FBXO34: variants seen among roughly 807,000 people sequenced by gnomAD.
FBXO34 encodes F-box only protein 34.
Under a neutral mutation model 24.5 loss-of-function variants are expected in FBXO34, and 12 were observed. The observed-to-expected ratio is 0.49, with a 90% CI of 0.31 to 0.79. The LOEUF (loss-of-function observed/expected upper bound fraction) is 0.79, where lower values mean the gene tolerates loss of function less well. Ranked by LOEUF, FBXO34 falls within the 30% of genes least tolerant of loss-of-function variation. The probability of loss-of-function intolerance (pLI) is 0.04; values close to 1 mark genes in which losing one functional copy is unlikely to be tolerated. For synonymous variants in FBXO34, 320 were observed against 311.9 expected, an observed-to-expected ratio of 1.03 and a Z score of -0.27; for missense variants, 823 against 857.7, an observed-to-expected ratio of 0.96 and a Z score of 0.51.
chr14:55,381,367 TA>T, the FBXO34 span, among the ~76,000 whole-genome samples: 2 of 152,218 alleles, frequency 1.3e-5, no homozygotes, highest in African/African-American at 4.8e-5. Flanking sequence ...TTAGGACTAC[TA>T]AAACACATTA....
At chr14:55,357,828 C>A (rs1018934952), downstream of FBXO34, among the ~76,000 whole-genome samples, 1 of 152,088 alleles carries the variant, frequency 6.6e-6, no homozygotes, top group Non-Finnish European at 1.5e-5. Context: ...TGATAAAGTT[C>A]TTAAAAAACT....
At chr14:55,390,360 C>T in the FBXO34 span, among the ~76,000 whole-genome samples, 12 of 151,964 alleles carry the variant, frequency 7.9e-5, no homozygotes, top group Admixed American at 2.0e-4. Context: ...CATAAGCCAC[C>T]GTGCCTGGCC....
chr14:55,419,618 C>T, the FBXO34 span, among the ~76,000 whole-genome samples: 17 of 152,176 alleles, frequency 1.1e-4, no homozygotes, highest in African/African-American at 3.1e-4. Flanking sequence ...TTGTTTTCAG[C>T]TTACTTGACT....
At chr14:55,318,923 G>T (rs1270441973) in intron 1 of FBXO34, among the ~76,000 whole-genome samples, 4 of 152,024 alleles carry the variant, frequency 2.6e-5, no homozygotes, top group Admixed American at 2.6e-4. Flanking sequence ...GTCTCCATGG[G>T]ATTTCATGTT....
chr14:55,353,355 G>T lies in FBXO34; in HGVS notation c.*829G>T, dbSNP rs1054001102. On this transcript the variant is annotated 3_prime_UTR_variant, in exon 2 of 2. Coordinates refer to ENST00000313833, the MANE Select transcript of FBXO34 (RefSeq NM_017943.4). Reference sequence around the variant, plus strand: ...AATGTTTCCCAAATAAACTATGAATGTTTCCTGTATAATATATGAATGTTT... The same window carrying T: ...AATGTTTCCCAAATAAACTATGAATTTTTCCTGTATAATATATGAATGTTT... The T allele has an allele frequency of 1.8e-5, 3 of 166,422 alleles. No individual in the cohort carries two copies. The highest frequency in any genetic ancestry group is 7.3e-5 in the African/African-American group (3 of 41,214). 10.3% of individuals were successfully genotyped at this position (166,422 alleles called of 1,614,324 possible).
chr14:55,273,399 C>T, intron 1 of FBXO34, among the ~76,000 whole-genome samples: 1 of 152,194 alleles, frequency 6.6e-6, no homozygotes, highest in African/African-American at 2.4e-5. Context: ...ATCCTCACCA[C>T]AACCTTGGGA....
downstream of FBXO34, chr14:55,369,544 C>T: frequency 1.5e-6 from 2 of 1,315,646 alleles, no homozygotes; most frequent in Admixed American, 2.4e-5. Context: ...TTAACTTAAA[C>T]AGAAAATGTT....
rs1460875204 is a variant in FBXO34, at chr14:55,331,725, A to G, written c.-10-18656A>G. Among the ~76,000 whole-genome samples the G allele has an allele frequency of 1.2e-3, 54 of 43,698 alleles. 10 individuals are homozygous for G. The highest frequency in any genetic ancestry group is 0.01 in the African/African-American group (52 of 5,034). 28.7% of individuals were successfully genotyped at this position (43,698 alleles called of 152,430 possible). ...TATATGTATATATATATGTATATAT[A>G]TATGTATATATATATGTGTGTATAT... On this transcript the variant is annotated intron_variant, in intron 1 of 1. Coordinates refer to ENST00000313833, the MANE Select transcript of FBXO34 (RefSeq NM_017943.4).
At chr14:55,433,510 G>A in the FBXO34 span, 1 of 911,796 alleles carries the variant, frequency 1.1e-6, no homozygotes, top group African/African-American at 1.7e-5. Flanking sequence ...ATTGAATAAA[G>A]TCTTCAGCAA....
chr14:55,319,074 TTAAG>T (rs1883038418), intron 1 of FBXO34, among the ~76,000 whole-genome samples: 1 of 152,254 alleles, frequency 6.6e-6, no homozygotes, highest in South Asian at 2.1e-4. Flanking sequence ...AGGTGGAAAT[TTAAG>T]TAGGAAAATT....
At chr14:55,321,432 G>A (rs1227960464) in intron 1 of FBXO34, among the ~76,000 whole-genome samples, 1 of 151,312 alleles carries the variant, frequency 6.6e-6, no homozygotes, top group Non-Finnish European at 1.5e-5. Flanking sequence ...TTGGAGACAG[G>A]GTCTCCCTCT....
intron 1 of FBXO34, among the ~76,000 whole-genome samples, chr14:55,331,705 G>GTA (rs563184455): frequency 0.14 from 3,854 of 26,920 alleles, 885 homozygotes; most frequent in East Asian, 0.38. Context: ...ATATATATAT[G>GTA]TATATATATA....
At chr14:55,391,311 TAA>T in the FBXO34 span, 6 of 179,210 alleles carry the variant, frequency 3.3e-5, no homozygotes, top group East Asian at 5.3e-4. Context: ...CCATCTCTAC[TAA>T]AAAAATACAA....
the FBXO34 span, chr14:55,436,514 A>G: frequency 3.3e-6 from 5 of 1,507,074 alleles, no homozygotes; most frequent in Non-Finnish European, 3.7e-6. Flanking sequence ...TCAGGAATAT[A>G]AAATGTGTAC....
At chr14:55,379,658 ATAGT>A in the FBXO34 span, among the ~76,000 whole-genome samples, 129 of 152,316 alleles carry the variant, frequency 8.5e-4, no homozygotes, top group Non-Finnish European at 1.6e-3. Flanking sequence ...AAATGCAATG[ATAGT>A]TGGAGGGTAG....
chr14:55,286,607 G>T (rs1881769237), intron 1 of FBXO34, among the ~76,000 whole-genome samples: 1 of 152,110 alleles, frequency 6.6e-6, no homozygotes. Context: ...TGTAGTGTTT[G>T]CCCTCAGGAG....
intron 1 of FBXO34, among the ~76,000 whole-genome samples, chr14:55,314,842 T>C (rs1882874517): frequency 6.6e-6 from 1 of 152,238 alleles, no homozygotes; most frequent in African/African-American, 2.4e-5. Flanking sequence ...TTAAGACTTG[T>C]TTTGAAAAGT....
chr14:55,293,486 G>A (rs1882014656), intron 1 of FBXO34, among the ~76,000 whole-genome samples: 1 of 152,168 alleles, frequency 6.6e-6, no homozygotes, highest in Non-Finnish European at 1.5e-5. Context: ...CCTGGCACTA[G>A]GTAAAGAAAC....
At chr14:55,390,238 T>G in the FBXO34 span, among the ~76,000 whole-genome samples, 1 of 145,576 alleles carries the variant, frequency 6.9e-6, no homozygotes, top group Admixed American at 6.8e-5. Flanking sequence ...GCCCGGCTAA[T>G]TTTTGTATTT....
Sources: allele counts gnomAD v4.1 joint callset (sites outside exome capture counted in the v4.1 genomes callset), GRCh38; gene constraint gnomAD v4.1.1; transcripts MANE v1.5; gene names NCBI Gene and HGNC (gene_info 2026-07-23, HGNC 2026-07-21).